PCDH15: variants seen among roughly 807,000 people sequenced by gnomAD.
PCDH15 encodes the protein protocadherin related 15.
In PCDH15, 129 loss-of-function variants were observed where a neutral mutation model predicts 178.5. The observed-to-expected ratio is 0.72, with a 90% confidence interval of 0.63 to 0.84. PCDH15 has a LOEUF of 0.84. Among genes scored for constraint, PCDH15 ranks in the 40% least tolerant of loss-of-function variants. PCDH15 has a pLI of 0.00. For synonymous variants in PCDH15, 800 were observed against 732.0 expected (o/e 1.09, Z -1.50); for missense variants, 2,230 against 2,099.9 (o/e 1.06, Z -1.21).
rs149968475 is a variant in PCDH15, at chr10:55,555,058, A to AATT, written c.-156+72564_-156+72566dup. The stretch of plus-strand genomic sequence containing the variant: ...ATTTGAAGAAAATCAGTATTTCCAT[A>AATT]ATTAATAAAGTAATTTTCTGTTTTG... On this transcript the variant is annotated intron_variant, in intron 2 of 5. Transcript: ENST00000613346. 4.6e-3 allele frequency among the ~76,000 whole-genome samples: 704 copies of AATT among 152,210 alleles called. 6 individuals are homozygous for AATT. Among genetic ancestry groups the AATT allele is most frequent in the African/African-American group, 0.016 (671 of 41,570 alleles).
intron 2 of PCDH15, among the ~76,000 whole-genome samples, chr10:55,158,809 G>A (rs1838971639): frequency 6.6e-6 from 1 of 151,736 alleles, no homozygotes; most frequent in East Asian, 1.9e-4. Flanking sequence ...TAATCTCAAG[G>A]GATTGAGCAG....
intron 26 of PCDH15, among the ~76,000 whole-genome samples, chr10:53,888,576 GTTT>G (rs71004492): frequency 0.44 from 16,991 of 38,862 alleles, 3,600 homozygotes; most frequent in Middle Eastern, 0.58. Flanking sequence ...GATTTTGTCT[GTTT>G]TTTTTTTTTT....
At chr10:55,456,613 A>G (rs112228414) in intron 2 of PCDH15, among the ~76,000 whole-genome samples, 1 of 152,218 alleles carries the variant, frequency 6.6e-6, no homozygotes, top group Admixed American at 6.5e-5. Context: ...TTTTCAATCT[A>G]TAACACTAAT....
intron 3 of PCDH15, among the ~76,000 whole-genome samples, chr10:54,424,252 T>C (rs1278105939): frequency 6.6e-6 from 1 of 151,806 alleles, no homozygotes; most frequent in Non-Finnish European, 1.5e-5. Context: ...AACAGACACA[T>C]GAAAAAATGC....
rs73268232 is a variant in PCDH15 at position 54,799,409 on chromosome 10, A to G, written c.-29+1516T>C. Among the ~76,000 whole-genome samples the G allele has an allele frequency of 4.4e-3, 664 of 152,260 alleles. 1 individual carries two copies. Among genetic ancestry groups the G allele is most frequent in the African/African-American group, 0.015 (613 of 41,550 alleles). ...TTTTAAAACTATAGTTCAGATACTT[A>G]TCAAATATTATCAGTGGGTATACCA... On this transcript the variant is annotated intron_variant, in intron 1 of 37. Coordinates refer to ENST00000644397, the MANE Select transcript of PCDH15 (RefSeq NM_001384140.1).
intron 10 of PCDH15, 43 bp from the exon 11 acceptor site, chr10:54,195,932 G>T (rs377444551): frequency 9.0e-6 from 14 of 1,561,198 alleles, no homozygotes; most frequent in Non-Finnish European, 1.2e-5. Context: ...AGTATATGTC[G>T]TGCTATCTTT....
At chr10:54,273,506 C>G (rs574126967) in intron 8 of PCDH15, among the ~76,000 whole-genome samples, 17 of 151,762 alleles carry the variant, frequency 1.1e-4, no homozygotes, top group African/African-American at 3.1e-4. Flanking sequence ...AGGGGGTCAG[C>G]ACTTATAAAT....
chr10:54,188,014 C>G (rs11004125), intron 11 of PCDH15, among the ~76,000 whole-genome samples: 2,104 of 151,770 alleles, frequency 0.014, 30 homozygotes, highest in Middle Eastern at 0.031. Flanking sequence ...GTAATATCAA[C>G]ATAAAATGTT....
intron 17 of PCDH15, among the ~76,000 whole-genome samples, chr10:54,078,610 C>G (rs1016089855): frequency 3.3e-5 from 5 of 151,784 alleles, no homozygotes; most frequent in Non-Finnish European, 7.4e-5. Flanking sequence ...AGAGAATCAC[C>G]TAACACATGG....
At chr10:54,157,236 G>T (rs1415929416) in intron 13 of PCDH15, among the ~76,000 whole-genome samples, 1 of 152,234 alleles carries the variant, frequency 6.6e-6, no homozygotes, top group Non-Finnish European at 1.5e-5. Context: ...CCTAGCAGAG[G>T]TTCTCCAGGA....
At chr10:55,370,816 C>T (rs1287260162) in intron 2 of PCDH15, among the ~76,000 whole-genome samples, 2 of 152,100 alleles carry the variant, frequency 1.3e-5, no homozygotes. Flanking sequence ...ACATATAATC[C>T]ATCCAATTGA....
intron 2 of PCDH15, among the ~76,000 whole-genome samples, chr10:54,532,132 A>C (rs1204193310): frequency 6.6e-6 from 1 of 152,114 alleles, no homozygotes; most frequent in Non-Finnish European, 1.5e-5. Flanking sequence ...CCTTACAATC[A>C]ATCTTGCCCT....
At position 54,490,490 on chromosome 10, in the gene PCDH15, AAAT is replaced by A. The variant is rs543955478; in HGVS notation, c.157+37319_157+37321del. Among the ~76,000 whole-genome samples, 627 of 151,750 alleles carry A rather than the reference AAAT, an allele frequency of 4.1e-3. 3 individuals carry two copies. The highest frequency in any genetic ancestry group is 0.015 in the African/African-American group (604 of 41,492). On this transcript the variant is annotated intron_variant, in intron 3 of 37. Coordinates refer to ENST00000644397, the MANE Select transcript of PCDH15 (RefSeq NM_001384140.1). Reference sequence around the variant, plus strand: ...AATAATAAATAACTAATAAATAAATAAATAATGTCTCAAAAATAAATAATTTTT... The same window carrying A: ...AATAATAAATAACTAATAAATAAATAAATGTCTCAAAAATAAATAATTTTT...
chr10:54,723,575 A>G (rs1300086189), intron 1 of PCDH15, among the ~76,000 whole-genome samples: 1 of 151,860 alleles, frequency 6.6e-6, no homozygotes, highest in African/African-American at 2.4e-5. Context: ...CAGCTTTTGC[A>G]CAACAAAATA....
At chr10:55,594,495 T>C (rs1404086607) in intron 2 of PCDH15, among the ~76,000 whole-genome samples, 1 of 151,960 alleles carries the variant, frequency 6.6e-6, no homozygotes, top group Non-Finnish European at 1.5e-5. Context: ...TTAATTGCAA[T>C]GGAAAAACTG....
chr10:54,413,187 A>C (rs1486878132), intron 3 of PCDH15, among the ~76,000 whole-genome samples: 1 of 140,830 alleles, frequency 7.1e-6, no homozygotes, highest in Non-Finnish European at 1.6e-5. Context: ...TCTCTCTCTC[A>C]ACGAATAGCA....
chr10:54,307,993 T>G (rs1045775779), intron 8 of PCDH15, among the ~76,000 whole-genome samples: 1 of 152,050 alleles, frequency 6.6e-6, no homozygotes, highest in African/African-American at 2.4e-5. Context: ...TAAATCTTCT[T>G]TTATAGTAGT....
intron 8 of PCDH15, among the ~76,000 whole-genome samples, chr10:54,250,077 C>CTTTTTTTTTTTT (rs773771288): frequency 7.3e-6 from 1 of 137,810 alleles, no homozygotes; most frequent in African/African-American, 2.7e-5. Flanking sequence ...CCACATCCGG[C>CTTTTTTTTTTTT]TTTTTTTTTT....
chr10:55,175,663 CAAAA>C (rs71014459), intron 1 of PCDH15, among the ~76,000 whole-genome samples: 4 of 106,672 alleles, frequency 3.7e-5, no homozygotes, highest in East Asian at 2.8e-4. Context: ...GACTCTGTCT[CAAAA>C]AAAAAAAAAA....
Sources: allele counts gnomAD v4.1 joint callset (sites outside exome capture counted in the v4.1 genomes callset), GRCh38; gene constraint gnomAD v4.1.1; transcripts MANE v1.5; gene names NCBI Gene and HGNC (gene_info 2026-07-23, HGNC 2026-07-21).